The following DOCK8 variants were observed in gnomAD, a reference collection of about 807,000 sequenced individuals.
DOCK8 encodes dedicator of cytokinesis protein 8.
Under a neutral mutation model 245.6 loss-of-function variants are expected in DOCK8, and 141 were observed. The observed-to-expected ratio is 0.57, with a 90% confidence interval of 0.50 to 0.66. The LOEUF (loss-of-function observed/expected upper bound fraction) is 0.66. Among genes scored for constraint, DOCK8 ranks in the 30% least tolerant of loss-of-function variants. The probability of loss-of-function intolerance (pLI) is 0.00; values close to 1 mark genes in which losing one functional copy is unlikely to be tolerated. For missense variants in DOCK8, 2,965 were observed against 2,603.4 expected, an observed-to-expected ratio of 1.14 and a Z score of -3.02; for synonymous variants, 1,168 against 970.2, an observed-to-expected ratio of 1.20 and a Z score of -3.79.
intron 24 of DOCK8, among the ~76,000 whole-genome samples, 188 bp from the exon 25 acceptor site, chr9:396,597 G>A (rs1377193090): frequency 1.3e-5 from 2 of 152,074 alleles, no homozygotes; most frequent in Non-Finnish European, 2.9e-5. Context: ...CCCACCTCCC[G>A]CCACCATGGT....
intron 39 of DOCK8, among the ~76,000 whole-genome samples, chr9:437,397 G>C (rs562694344): frequency 6.6e-6 from 1 of 152,330 alleles, no homozygotes; most frequent in South Asian, 2.1e-4. Context: ...TGCAGAGAAA[G>C]CCTCAGTGCA....
At chr9:234,625 T>G (rs1290441382) in intron 1 of DOCK8, among the ~76,000 whole-genome samples, 1 of 152,216 alleles carries the variant, frequency 6.6e-6, no homozygotes, top group East Asian at 1.9e-4. Context: ...TAAACTTCTC[T>G]TCTCACTTCA....
intron 26 of DOCK8, among the ~76,000 whole-genome samples, chr9:399,966 A>C (rs868274847): frequency 2.0e-4 from 30 of 146,730 alleles, no homozygotes; most frequent in Middle Eastern, 3.5e-3. Context: ...CACTATCACC[A>C]CCTTCTCCAC....
chr9:459,379 T>C (rs774700030), intron 46 of DOCK8, among the ~76,000 whole-genome samples: 6 of 152,228 alleles, frequency 3.9e-5, no homozygotes, highest in Admixed American at 6.5e-5. Context: ...TAAAGTAATA[T>C]TACTACATAA....
At position 433,972 on chromosome 9, in the gene DOCK8, A is replaced by T; in HGVS notation, c.4883A>T (p.Tyr1628Phe). 1 of 1,611,190 alleles carries T rather than the reference A, an allele frequency of 6.2e-7. No individual in the cohort carries two copies. Among genetic ancestry groups the T allele is most frequent in the Non-Finnish European group, 8.5e-7 (1 of 1,177,268 alleles). The change falls in exon 38 of 48, where the codon TAC (tyrosine) becomes TTC (phenylalanine). Residue 1628 changes from tyrosine (Y) to phenylalanine (F), a missense_variant. Physicochemically the swap from Tyr to Phe is conservative, Grantham distance 22 (BLOSUM62 3). Around this residue, in one of 3 missense-constraint regions of DOCK8, gnomAD observed 2,825 missense variants for 2,453.5 expected, o/e 1.15. Transcript: ENST00000432829. ...CCTGAGATGCTTATGGATCTCATGT[A>T]CAGGTAAGCTTTCCTGACACACTCA... is the stretch of plus-strand genomic sequence containing the variant. Reference protein sequence around the residue: ...EDPEMLMDLMYRIAKSYQASP... With the variant: ...EDPEMLMDLMFRIAKSYQASP...
At chr9:329,771 A>G (rs1347509524) in intron 9 of DOCK8, among the ~76,000 whole-genome samples, 1 of 152,230 alleles carries the variant, frequency 6.6e-6, no homozygotes, top group Non-Finnish European at 1.5e-5. Context: ...TTAATCCGTC[A>G]TATTCTGCCA....
intron 38 of DOCK8, 72 bp downstream of exon 38, chr9:434,047 A>G (rs767934599): frequency 9.5e-7 from 1 of 1,056,820 alleles, no homozygotes; most frequent in Non-Finnish European, 1.5e-6. Flanking sequence ...GTTCTTACTA[A>G]TGTAATGATC....
chr9:218,547 T>C (rs1297407237), intron 1 of DOCK8, among the ~76,000 whole-genome samples: 2 of 152,214 alleles, frequency 1.3e-5, no homozygotes, highest in Non-Finnish European at 1.5e-5. Context: ...CTGCATTAAA[T>C]GTCATAACAT....
chr9:342,469 C>G (rs12342672), intron 14 of DOCK8, among the ~76,000 whole-genome samples: 1 of 129,176 alleles, frequency 7.7e-6, no homozygotes, highest in East Asian at 2.0e-4. Flanking sequence ...GGGTTTTTTT[C>G]GTTTTTTTGT....
chr9:434,979 G>A lies in DOCK8; in HGVS notation c.5079+4G>A, dbSNP rs779898714. 1.2e-6 allele frequency: 2 copies of A among 1,612,214 alleles called. No individual in the cohort carries two copies. The highest frequency in any genetic ancestry group is 2.1e-4 in the Middle Eastern group (1 of 4,818). ...CGTGGGCAGTGTCAGCTTCCAGGTA[G>A]GGTGTGTGCAGCTTTTCCCTTAGAG... On this transcript the variant is annotated splice_donor_region_variant and intron_variant, in intron 39 of 47. Transcript: ENST00000432829.
intron 43 of DOCK8, among the ~76,000 whole-genome samples, chr9:444,759 G>C (rs2057200090): frequency 6.6e-6 from 1 of 152,196 alleles, no homozygotes; most frequent in Non-Finnish European, 1.5e-5. Flanking sequence ...GAAATTCTAA[G>C]TGTTTCTAAA....
In DOCK8 at chr9:405,035, A is replaced by G. The variant is rs1168450083; in HGVS notation, c.3352A>G (p.Thr1118Ala). 2 of 1,613,866 alleles carry G rather than the reference A, an allele frequency of 1.2e-6. No homozygotes were observed. The highest frequency in any genetic ancestry group is 4.5e-5 in the East Asian group (2 of 44,892). Reference protein sequence around the residue: ...NLNLFFMNADTAPTSPCPSIS... With the variant: ...NLNLFFMNADAAPTSPCPSIS... ...GAACCTTTTTTTTATGAATGCTGAT[A>G]CTGCTCCAACATCTCCTTGTCCTTC... Residue 1118 changes from threonine (T) to alanine (A), a missense_variant, in exon 27 of 48, where the codon ACT becomes GCT. Thr to Ala is a moderately conservative substitution (Grantham distance 58). This residue lies in a region of DOCK8 where 2,825 missense variants were observed against 2,453.5 expected (regional missense o/e 1.15). Transcript: ENST00000432829.
At chr9:416,417 A>G (rs932206651) in intron 29 of DOCK8, among the ~76,000 whole-genome samples, 2 of 152,234 alleles carry the variant, frequency 1.3e-5, no homozygotes, top group Non-Finnish European at 2.9e-5. Context: ...TTTCTTGTCA[A>G]TTAGAATATT....
chr9:350,712 C>G (rs1317780583), intron 14 of DOCK8, among the ~76,000 whole-genome samples: 1 of 152,156 alleles, frequency 6.6e-6, no homozygotes, highest in African/African-American at 2.4e-5. Flanking sequence ...AATAATAACA[C>G]CTGTGCCTCT....
chr9:214,490 C>T, upstream of DOCK8: 2 of 1,608,362 alleles, frequency 1.2e-6, no homozygotes, highest in Non-Finnish European at 1.7e-6. Context: ...ATGGTGTCAA[C>T]CCTTAATAAC....
At chr9:305,431 C>T (rs113194651) in intron 5 of DOCK8, among the ~76,000 whole-genome samples, 2,167 of 151,650 alleles carry the variant, frequency 0.014, 73 homozygotes, top group Admixed American at 0.039. Flanking sequence ...TACAGGCTCC[C>T]GCCACCACGC....
chr9:447,953 C>G (rs796082108), intron 44 of DOCK8, among the ~76,000 whole-genome samples: 11 of 152,346 alleles, frequency 7.2e-5, no homozygotes, highest in African/African-American at 2.6e-4. Flanking sequence ...CTTTTGAACA[C>G]TGAGACATTC....
At chr9:238,738 A>G (rs1308057151) in intron 1 of DOCK8, among the ~76,000 whole-genome samples, 1 of 152,240 alleles carries the variant, frequency 6.6e-6, no homozygotes, top group African/African-American at 2.4e-5. Context: ...AAACTTCTAA[A>G]TAAAGACCAA....
chr9:327,005 A>T (rs943790997), intron 8 of DOCK8, among the ~76,000 whole-genome samples: 1 of 152,328 alleles, frequency 6.6e-6, no homozygotes, highest in East Asian at 1.9e-4. Flanking sequence ...AGCACTGTTC[A>T]CATCATGCTC....
Sources: allele counts gnomAD v4.1 joint callset (sites outside exome capture counted in the v4.1 genomes callset), GRCh38; gene constraint gnomAD v4.1.1; regional missense constraint gnomAD v4.1.1; transcripts MANE v1.5; gene names NCBI Gene and HGNC (gene_info 2026-07-23, HGNC 2026-07-21).